POLR3H: variants seen among roughly 807,000 people sequenced by gnomAD.
The protein encoded by POLR3H is RNA polymerase III subunit H, also known as DNA-directed RNA polymerase III subunit RPC8.
POLR3H carries 17 observed loss-of-function variants against 25.5 expected under a neutral mutation model. The observed-to-expected ratio is 0.67, with a 90% CI of 0.46 to 1.00. The LOEUF (loss-of-function observed/expected upper bound fraction) is 1.00. Among genes scored for constraint, POLR3H ranks in the 50% least tolerant of loss-of-function variants. The pLI, the probability that POLR3H is intolerant of heterozygous loss-of-function variation, is 0.00. For synonymous variants in POLR3H, 129 were observed against 103.0 expected (o/e 1.25, Z -1.53); for missense variants, 274 against 265.0 (o/e 1.03, Z -0.24).
intron 2 of POLR3H, 85 bp from the exon 3 acceptor site, chr22:41,532,830 G>A: frequency 1.4e-6 from 2 of 1,440,198 alleles, no homozygotes; most frequent in South Asian, 2.5e-5. Flanking sequence ...CACACCTGGG[G>A]GCCTGTGTGG....
At position 41,527,100 on chromosome 22, in the gene POLR3H, C is replaced by G. The variant is rs545679810; in HGVS notation, c.*2183G>C. On this transcript the variant is annotated 3_prime_UTR_variant, in exon 6 of 6. Transcript: ENST00000355209. Reference sequence around the variant, plus strand: ...ACGTGCCTCTGTCCCCTCGGGGCCTCGTTTGGGTCTCATTCACGCAGGCTT... The same window carrying G: ...ACGTGCCTCTGTCCCCTCGGGGCCTGGTTTGGGTCTCATTCACGCAGGCTT... 1.2e-6 allele frequency: 1 copy of G among 802,680 alleles called. No individual in the cohort carries two copies. Among genetic ancestry groups the G allele is most frequent in the East Asian group, 2.7e-5 (1 of 37,100 alleles). The allele number at this position is 802,680 out of a possible 1,614,324, so 49.7% of individuals were successfully genotyped here.
intron 4 of POLR3H, 108 bp downstream of exon 4, chr22:41,531,986 C>T: frequency 1.1e-6 from 1 of 937,782 alleles, no homozygotes; most frequent in Non-Finnish European, 1.7e-6. Context: ...GGCACAGAGG[C>T]CAGTGACATC....
At chr22:41,541,186 C>T (rs2066923393) in intron 1 of POLR3H, among the ~76,000 whole-genome samples, 1 of 152,160 alleles carries the variant, frequency 6.6e-6, no homozygotes, top group South Asian at 2.1e-4. Context: ...GTATTGGAAA[C>T]CATCATCATC....
chr22:41,533,496 GAGAC>G, intron 2 of POLR3H: 1 of 1,201,746 alleles, frequency 8.3e-7, no homozygotes, highest in Non-Finnish European at 1.1e-6. Flanking sequence ...TAGCCATGGG[GAGAC>G]ACCTGGTCTT....
Position 41,527,423 on chromosome 22 carries a change from G to A in POLR3H, c.*1860C>T. The stretch of plus-strand genomic sequence containing the variant: ...CAAGAGCTTTGCCAGGATCCACGGT[G>A]AGCTGGAGTCTGTACCCAGGCCATC... On this transcript the variant is annotated 3_prime_UTR_variant, in exon 6 of 6. Transcript: ENST00000355209. The A allele has an allele frequency of 1.2e-6, 2 of 1,608,802 alleles. No individual in the cohort carries two copies. Among genetic ancestry groups the A allele is most frequent in the Non-Finnish European group, 1.7e-6 (2 of 1,178,082 alleles).
At chr22:41,541,476 A>C (rs1434031362) in intron 1 of POLR3H, among the ~76,000 whole-genome samples, 2 of 152,170 alleles carry the variant, frequency 1.3e-5, no homozygotes, top group Non-Finnish European at 2.9e-5. Flanking sequence ...GTGTCTCCTT[A>C]TCTGCCACCG....
intron 2 of POLR3H, chr22:41,533,785 T>G (rs1466567494): frequency 9.3e-7 from 1 of 1,076,320 alleles, no homozygotes; most frequent in African/African-American, 1.6e-5. Context: ...CAAGGGCCAC[T>G]TACGCACAGA....
Position 41,527,580 on chromosome 22 carries a change from T to G in POLR3H, c.*1703A>C. The stretch of plus-strand genomic sequence containing the variant: ...CCTTCTTAGGCTCACACAGTGCACA[T>G]CCGACGCTCAGCTTCCCGGCTTCCC... On this transcript the variant is annotated 3_prime_UTR_variant, in exon 6 of 6. Coordinates refer to ENST00000355209, the MANE Select transcript of POLR3H (RefSeq NM_001018050.4). The G allele has an allele frequency of 9.5e-7, 1 of 1,050,190 alleles. No individual in the cohort carries two copies. Among genetic ancestry groups the G allele is most frequent in the Non-Finnish European group, 1.3e-6 (1 of 741,638 alleles). The allele number at this position is 1,050,190 out of a possible 1,614,324, so 65.1% of individuals were successfully genotyped here.
chr22:41,527,388 C>T lies in POLR3H; in HGVS notation c.*1895G>A. The T allele has an allele frequency of 1.2e-6, 2 of 1,613,264 alleles. No individual in the cohort carries two copies. Among genetic ancestry groups the T allele is most frequent in the Non-Finnish European group, 8.5e-7 (1 of 1,179,856 alleles). ...GAGCCTCGCCACCTTGGGGGCCGGG[C>T]CATCATCACCAAGAGCTTTGCCAGG... On this transcript the variant is annotated 3_prime_UTR_variant, in exon 6 of 6. Coordinates refer to ENST00000355209, the MANE Select transcript of POLR3H (RefSeq NM_001018050.4).
chr22:41,530,717 C>G lies in POLR3H; in HGVS notation c.531G>C (p.Leu177=). Reference sequence around the variant, plus strand: ...GCGTGTACGGAGCCTCCTTCTTTGGCAGCTCCTCACTGGAAGTGGTGGCAT... The same window carrying G: ...GCGTGTACGGAGCCTCCTTCTTTGGGAGCTCCTCACTGGAAGTGGTGGCAT... The part of the protein sequence containing the change: ...SADATTSSEE[L]PKKEAPYTLV... The change falls in exon 5 of 6, where the codon CTG becomes CTC. Residue 177 remains leucine (L), a synonymous_variant. Transcript: ENST00000355209. 1 of 1,613,656 alleles carries G rather than the reference C, an allele frequency of 6.2e-7. No individual in the cohort carries two copies. Among genetic ancestry groups the G allele is most frequent in the Non-Finnish European group, 8.5e-7 (1 of 1,180,016 alleles).
chr22:41,528,231 T>A lies in POLR3H; in HGVS notation c.*1052A>T, dbSNP rs1045717978. On this transcript the variant is annotated 3_prime_UTR_variant, in exon 6 of 6. Coordinates refer to ENST00000355209, the MANE Select transcript of POLR3H (RefSeq NM_001018050.4). ...CCGGGGCCCTCACACCTCCCCAACCTCCCTTTACTCACCAGGACCTGGCAC... is the reference window on the plus strand; with the variant it reads ...CCGGGGCCCTCACACCTCCCCAACCACCCTTTACTCACCAGGACCTGGCAC... 8 of 838,622 alleles carry A rather than the reference T, an allele frequency of 9.5e-6. No individual in the cohort carries two copies. The African/African-American group carries it at 1.4e-4, about 14-fold the overall frequency. The allele number at this position is 838,622 out of a possible 1,614,324, so 51.9% of individuals were successfully genotyped here.
intron 2 of POLR3H, among the ~76,000 whole-genome samples, chr22:41,537,452 G>A (rs1461487679): frequency 6.6e-6 from 1 of 152,206 alleles, no homozygotes; most frequent in Non-Finnish European, 1.5e-5. Flanking sequence ...AGGCTGTGGG[G>A]TTGCAGGAGA....
At position 41,532,093 on chromosome 22, in the gene POLR3H, C is replaced by T; in HGVS notation, c.359+1G>A. 2 of 1,613,978 alleles carry T rather than the reference C, an allele frequency of 1.2e-6. No individual in the cohort carries two copies. The highest frequency in any genetic ancestry group is 1.7e-6 in the Non-Finnish European group (2 of 1,179,866). On this transcript the variant is annotated splice_donor_variant, in intron 4 of 5. Transcript: ENST00000355209. LOFTEE classifies it high-confidence loss of function. ...AAACCACTTTAACCCTTGGAGGATA[C>T]AACTTGGCTGGCTGCTGCAGTGACT...
intron 3 of POLR3H, 140 bp from the exon 4 acceptor site, chr22:41,532,297 C>A: frequency 1.2e-6 from 1 of 829,354 alleles, no homozygotes; most frequent in African/African-American, 1.7e-5. Context: ...TAGGCCCCTT[C>A]CCCACCTAAT....
rs538842179 is a variant in POLR3H at position 41,530,035 on chromosome 22, G to A, written c.561+652C>T. On this transcript the variant is annotated intron_variant, in intron 5 of 5. Coordinates refer to ENST00000355209, the MANE Select transcript of POLR3H (RefSeq NM_001018050.4). ...CTCCCAAAGTGCTGGGATTACAGGC[G>A]TGAGCCACTGTGCCCCAGCAGCCCT... Among the ~76,000 whole-genome samples, 632 of 152,138 alleles carry A rather than the reference G, an allele frequency of 4.2e-3. 5 individuals are homozygous for A. The highest frequency in any genetic ancestry group is 0.014 in the African/African-American group (569 of 41,500).
intron 2 of POLR3H, among the ~76,000 whole-genome samples, chr22:41,534,467 C>T (rs1384074493): frequency 6.6e-6 from 1 of 152,170 alleles, no homozygotes; most frequent in Non-Finnish European, 1.5e-5. Context: ...TGTGCGACTC[C>T]ATTCATGTAC....
At position 41,544,328 on chromosome 22, in the gene POLR3H, T is replaced by C. The variant is rs1215190961; in HGVS notation, c.-227A>G. 1 of 421,152 alleles carries C rather than the reference T, an allele frequency of 2.4e-6. No homozygotes were observed. The highest frequency in any genetic ancestry group is 4.2e-6 in the Non-Finnish European group (1 of 236,814). 26.1% of individuals were successfully genotyped at this position (421,152 alleles called of 1,614,324 possible). ...GGCACTCTCCGTCCACAGCTCCGGG[T>C]GCGCGCCCGCGCCGCGAGACCCCGC... On this transcript the variant is annotated 5_prime_UTR_variant, in exon 1 of 6. Transcript: ENST00000355209.
chr22:41,531,213 C>T (rs192059400), intron 4 of POLR3H, among the ~76,000 whole-genome samples: 12 of 152,342 alleles, frequency 7.9e-5, no homozygotes, highest in Non-Finnish European at 1.3e-4. Context: ...GCAACCTGGG[C>T]CTCCTGCCAC....
At position 41,527,122 on chromosome 22, in the gene POLR3H, G is replaced by A; in HGVS notation, c.*2161C>T. The A allele has an allele frequency of 1.0e-6, 1 of 994,732 alleles. No individual in the cohort carries two copies. Among genetic ancestry groups the A allele is most frequent in the Non-Finnish European group, 1.5e-6 (1 of 683,536 alleles). The allele number at this position is 994,732 out of a possible 1,614,324, so 61.6% of individuals were successfully genotyped here. A position where few individuals can be genotyped will look rare whatever the true frequency, so the allele number is the denominator to read the frequency against. On this transcript the variant is annotated 3_prime_UTR_variant, in exon 6 of 6. Coordinates refer to ENST00000355209, the MANE Select transcript of POLR3H (RefSeq NM_001018050.4). ...CCTCGTTTGGGTCTCATTCACGCAG[G>A]CTTCACTTGCCCTTAGGCAGCAGGC... is the stretch of plus-strand genomic sequence containing the variant.
Sources: allele counts gnomAD v4.1 joint callset (sites outside exome capture counted in the v4.1 genomes callset), GRCh38; gene constraint gnomAD v4.1.1; transcripts MANE v1.5; gene names NCBI Gene and HGNC (gene_info 2026-07-23, HGNC 2026-07-21).